FHIT: variants seen among roughly 807,000 people sequenced by gnomAD.
FHIT encodes fragile histidine triad diadenosine triphosphatase, also known as bis(5'-adenosyl)-triphosphatase.
A neutral mutation model predicts 17.9 loss-of-function variants in FHIT; 19 were observed. The ratio of observed to expected loss-of-function variants is 1.06; its 90% CI spans 0.74 to 1.56. The LOEUF (loss-of-function observed/expected upper bound fraction) is 1.56, where lower values mean the gene tolerates loss of function less well. Ranked by LOEUF, FHIT falls within the 40% of genes most tolerant of loss-of-function variation. The pLI is 0.00. For synonymous variants in FHIT, 81 were observed against 69.7 expected (o/e 1.16, Z -0.81); for missense variants, 248 against 189.2 (o/e 1.31, Z -1.82).
chr3:61,096,293 G>A (rs1417437501), intron 2 of FHIT, among the ~76,000 whole-genome samples: 2 of 152,176 alleles, frequency 1.3e-5, no homozygotes, highest in Non-Finnish European at 2.9e-5. Context: ...GTGTGACACA[G>A]GCACAAAGTT....
At chr3:60,507,054 A>G (rs1291239477) in intron 5 of FHIT, among the ~76,000 whole-genome samples, 1 of 152,216 alleles carries the variant, frequency 6.6e-6, no homozygotes, top group Admixed American at 6.5e-5. Context: ...TTGCACCATC[A>G]TTCTAGCACA....
At chr3:60,883,103 C>A (rs192725804) in intron 3 of FHIT, among the ~76,000 whole-genome samples, 3 of 151,862 alleles carry the variant, frequency 2.0e-5, no homozygotes, top group Non-Finnish European at 4.4e-5. Context: ...AAGAAAGCAA[C>A]CTTACTTACA....
chr3:60,394,811 T>C (rs994996341), intron 5 of FHIT, among the ~76,000 whole-genome samples: 7 of 152,150 alleles, frequency 4.6e-5, no homozygotes, highest in African/African-American at 1.7e-4. Context: ...ACTATCATCA[T>C]CACTTAAAAA....
At chr3:60,632,198 T>C (rs1392425714) in intron 4 of FHIT, among the ~76,000 whole-genome samples, 1 of 152,192 alleles carries the variant, frequency 6.6e-6, no homozygotes, top group Non-Finnish European at 1.5e-5. Flanking sequence ...CTTAAATGAT[T>C]GGTTCCTCTA....
At chr3:60,234,102 C>A (rs1203800251) in intron 5 of FHIT, among the ~76,000 whole-genome samples, 1 of 152,204 alleles carries the variant, frequency 6.6e-6, no homozygotes, top group Admixed American at 6.5e-5. Context: ...CACTTGCATG[C>A]TTCCAGTGCC....
chr3:60,369,444 C>T (rs1700235985), intron 5 of FHIT, among the ~76,000 whole-genome samples: 1 of 152,110 alleles, frequency 6.6e-6, no homozygotes, highest in Non-Finnish European at 1.5e-5. Context: ...CCAGTGACTG[C>T]TTGTTTTCTT....
chr3:60,076,356 C>G (rs1473487682), intron 5 of FHIT, among the ~76,000 whole-genome samples: 1 of 151,958 alleles, frequency 6.6e-6, no homozygotes. Context: ...GTTGGATATG[C>G]CAGAAACTCA....
chr3:61,208,038 G>A lies in FHIT; in HGVS notation c.-212-7373C>T, dbSNP rs560254041. The stretch of plus-strand genomic sequence containing the variant: ...TGTCTTTGTTCTCGTTGGTTTCAAA[G>A]AACATCTTTATTTCTGCCTTCATTT... On this transcript the variant is annotated intron_variant, in intron 1 of 9. Transcript: ENST00000492590. Among the ~76,000 whole-genome samples the A allele has an allele frequency of 2.0e-5, 3 of 152,242 alleles. No individual in the cohort carries two copies. In the South Asian group the frequency reaches 6.2e-4, roughly 32 times the overall value.
chr3:61,198,896 GATGATGAT>G (rs2038932238), intron 2 of FHIT, among the ~76,000 whole-genome samples: 6 of 526 alleles, frequency 0.011, no homozygotes, highest in African/African-American at 0.014. Flanking sequence ...TGCCGCCGCC[GATGATGAT>G]GATGATGATG....
intron 4 of FHIT, among the ~76,000 whole-genome samples, chr3:60,621,815 G>A (rs1242260890): frequency 6.6e-6 from 1 of 151,664 alleles, no homozygotes; most frequent in African/African-American, 2.4e-5. Context: ...TAAGGGTACA[G>A]GGAGCTATGA....
In FHIT at chr3:60,402,339, T is replaced by A. The variant is rs907525106; in HGVS notation, c.103+134521A>T. On this transcript the variant is annotated intron_variant, in intron 5 of 9. Transcript: ENST00000492590. ...TGGGAGAAGCCAACCATGAAGTAAA[T>A]TCCAACATCAACAGTCTGGTTGGAT... is the stretch of plus-strand genomic sequence containing the variant. Among the ~76,000 whole-genome samples, 12 of 152,166 alleles carry A rather than the reference T, an allele frequency of 7.9e-5. No individual in the cohort carries two copies. The East Asian group carries it at 2.1e-3, about 27-fold the overall frequency.
At chr3:60,450,026 A>T (rs891188378) in intron 5 of FHIT, among the ~76,000 whole-genome samples, 1 of 150,196 alleles carries the variant, frequency 6.7e-6, no homozygotes. Context: ...AAAAAAAGGC[A>T]TAAAAGGTAG....
At chr3:60,165,685 G>T (rs939573521) in intron 5 of FHIT, among the ~76,000 whole-genome samples, 1 of 152,120 alleles carries the variant, frequency 6.6e-6, no homozygotes, top group Non-Finnish European at 1.5e-5. Context: ...TACACCCTCT[G>T]CCTCTTCTCC....
At chr3:59,929,656 A>G (rs1427261832) in intron 7 of FHIT, among the ~76,000 whole-genome samples, 1 of 152,100 alleles carries the variant, frequency 6.6e-6, no homozygotes, top group Non-Finnish European at 1.5e-5. Flanking sequence ...ATAATCACCA[A>G]CAGCTCTCAA....
chr3:59,822,161 T>C (rs547155026), intron 8 of FHIT, among the ~76,000 whole-genome samples: 1 of 152,340 alleles, frequency 6.6e-6, no homozygotes, highest in South Asian at 2.1e-4. Context: ...AGTATTCCAT[T>C]GTATACATAT....
At chr3:60,084,908 T>C (rs1433035425) in intron 5 of FHIT, among the ~76,000 whole-genome samples, 2 of 152,174 alleles carry the variant, frequency 1.3e-5, no homozygotes, top group Non-Finnish European at 2.9e-5. Context: ...GATCTTGCTG[T>C]TACTTCAGGC....
At chr3:60,595,155 A>G (rs1331527493) in intron 4 of FHIT, among the ~76,000 whole-genome samples, 1 of 152,110 alleles carries the variant, frequency 6.6e-6, no homozygotes, top group East Asian at 1.9e-4. Context: ...ATTCATCTGC[A>G]TTACATTTCA....
At position 59,839,512 on chromosome 3, in the gene FHIT, G is replaced by A. The variant is rs1221446083; in HGVS notation, c.348+82834C>T. On this transcript the variant is annotated intron_variant, in intron 8 of 9. Transcript: ENST00000492590. ...TCCCTAGTTAAATATGTTGTACCCG[G>A]TAAGTACTTAAATACTTGTTGATGA... Among the ~76,000 whole-genome samples the A allele has an allele frequency of 5.3e-5, 8 of 152,150 alleles. No homozygotes were observed. The East Asian group carries it at 1.4e-3, about 26-fold the overall frequency.
chr3:61,104,934 T>C (rs1048532143), intron 2 of FHIT, among the ~76,000 whole-genome samples: 6 of 152,292 alleles, frequency 3.9e-5, no homozygotes, highest in East Asian at 1.9e-4. Context: ...TACATTCTTT[T>C]CTATATTGAC....
Sources: allele counts gnomAD v4.1 joint callset (sites outside exome capture counted in the v4.1 genomes callset), GRCh38; gene constraint gnomAD v4.1.1; transcripts MANE v1.5; gene names NCBI Gene and HGNC (gene_info 2026-07-23, HGNC 2026-07-21).